The following PCSK2 variants were observed in gnomAD, a reference collection of about 807,000 sequenced individuals.
PCSK2 encodes neuroendocrine convertase 2.
PCSK2 carries 14 observed loss-of-function variants against 69.7 expected under a neutral mutation model. The ratio of observed to expected loss-of-function variants is 0.20; its 90% confidence interval spans 0.13 to 0.31. The LOEUF (loss-of-function observed/expected upper bound fraction) is 0.31. Among genes scored for constraint, PCSK2 ranks in the 10% least tolerant of loss-of-function variants. PCSK2 has a pLI of 1.00. For synonymous variants in PCSK2, 307 were observed against 320.7 expected, an observed-to-expected ratio of 0.96 and a Z score of 0.46; for missense variants, 544 against 842.5, an observed-to-expected ratio of 0.65 and a Z score of 4.39.
chr20:17,328,313 A>G (rs1459955109), intron 2 of PCSK2, among the ~76,000 whole-genome samples: 1 of 150,728 alleles, frequency 6.6e-6, no homozygotes, highest in Non-Finnish European at 1.5e-5. Flanking sequence ...GTGTGTGTGT[A>G]TTTTAATATA....
chr20:17,367,992 C>T (rs755294333), intron 4 of PCSK2, among the ~76,000 whole-genome samples: 5 of 152,134 alleles, frequency 3.3e-5, no homozygotes, highest in Non-Finnish European at 7.3e-5. Flanking sequence ...AATTGCTTCA[C>T]TCATCAAAAT....
intron 2 of PCSK2, among the ~76,000 whole-genome samples, chr20:17,326,167 C>T (rs1990044957): frequency 6.6e-6 from 1 of 152,196 alleles, no homozygotes; most frequent in African/African-American, 2.4e-5. Flanking sequence ...GATGAAAATT[C>T]AAAGCCAACG....
Position 17,260,231 on chromosome 20 carries a change from T to C in PCSK2, c.178-9T>C. On this transcript the variant is annotated splice_polypyrimidine_tract_variant and intron_variant, in intron 1 of 11. Coordinates refer to ENST00000262545, the MANE Select transcript of PCSK2 (RefSeq NM_002594.5). ...CTAACTATGCCTATGTCTACTTGACTCTCCACAGCTTCCCTTTGCTGAAGG... is the reference window on the plus strand; with the variant it reads ...CTAACTATGCCTATGTCTACTTGACCCTCCACAGCTTCCCTTTGCTGAAGG... 1 of 1,587,738 alleles carries C rather than the reference T, an allele frequency of 6.3e-7. No individual in the cohort carries two copies. The highest frequency in any genetic ancestry group is 8.6e-7 in the Non-Finnish European group (1 of 1,156,078).
intron 1 of PCSK2, among the ~76,000 whole-genome samples, chr20:17,239,856 T>A (rs2122951192): frequency 7.6e-6 from 1 of 131,578 alleles, no homozygotes; most frequent in Non-Finnish European, 1.6e-5. Flanking sequence ...TTTTTTTTTT[T>A]TTTTTTTTTT....
At chr20:17,460,979 T>A (rs1398445678) in intron 10 of PCSK2, among the ~76,000 whole-genome samples, 1 of 152,108 alleles carries the variant, frequency 6.6e-6, no homozygotes. Context: ...AAGTAACTTA[T>A]CCGAGTTCAC....
intron 6 of PCSK2, 44 bp downstream of exon 6, chr20:17,409,383 G>A (rs1361728096): frequency 7.5e-7 from 1 of 1,336,002 alleles, no homozygotes; most frequent in African/African-American, 1.4e-5. Context: ...AGGCTTTGGG[G>A]TTTTATTCTA....
At position 17,445,674 on chromosome 20, in the gene PCSK2, C is replaced by T. The variant is rs545798227; in HGVS notation, c.886-8068C>T. Among the ~76,000 whole-genome samples the T allele has an allele frequency of 1.1e-4, 16 of 152,336 alleles. No individual in the cohort carries two copies. The South Asian group carries it at 1.7e-3, about 16-fold the overall frequency. ...CTGAAATTTAATCAGAGCCACGGGT[C>T]GTACACCATGGCGGCGAGTGCCAGG... On this transcript the variant is annotated intron_variant, in intron 8 of 11. Transcript: ENST00000262545.
intron 6 of PCSK2, among the ~76,000 whole-genome samples, chr20:17,414,520 C>A (rs1434722211): frequency 6.6e-6 from 1 of 152,094 alleles, no homozygotes; most frequent in Non-Finnish European, 1.5e-5. Flanking sequence ...CAATAACAGG[C>A]TCTGAAATTG....
intron 4 of PCSK2, among the ~76,000 whole-genome samples, chr20:17,362,009 TG>T (rs576535777): frequency 7.4e-4 from 113 of 152,342 alleles, no homozygotes; most frequent in Middle Eastern, 3.4e-3. Flanking sequence ...CATATCCTAC[TG>T]GGTATCCCCA....
chr20:17,394,337 T>TA (rs1327018952), intron 5 of PCSK2, among the ~76,000 whole-genome samples: 1 of 152,124 alleles, frequency 6.6e-6, no homozygotes, highest in East Asian at 1.9e-4. Flanking sequence ...TGGTATCAAG[T>TA]AAAAAACCCA....
intron 7 of PCSK2, among the ~76,000 whole-genome samples, chr20:17,433,318 A>G (rs1441034216): frequency 6.6e-6 from 1 of 152,210 alleles, no homozygotes; most frequent in Non-Finnish European, 1.5e-5. Flanking sequence ...TTTTCAATAA[A>G]CAAGTAAAAA....
At chr20:17,268,893 T>A (rs1987745912) in intron 2 of PCSK2, among the ~76,000 whole-genome samples, 1 of 151,916 alleles carries the variant, frequency 6.6e-6, no homozygotes, top group African/African-American at 2.4e-5. Context: ...GATCTGGGAG[T>A]ATGTTGTGAA....
chr20:17,380,077 G>A (rs1035143286), intron 5 of PCSK2, among the ~76,000 whole-genome samples: 1 of 152,222 alleles, frequency 6.6e-6, no homozygotes, highest in Non-Finnish European at 1.5e-5. Flanking sequence ...CAGCTCCAGT[G>A]ACACCTTGAT....
intron 5 of PCSK2, among the ~76,000 whole-genome samples, chr20:17,405,886 C>A (rs1224337262): frequency 6.6e-6 from 1 of 152,142 alleles, no homozygotes; most frequent in Non-Finnish European, 1.5e-5. Flanking sequence ...GGAATCAACC[C>A]AACCTTCTCA....
intron 2 of PCSK2, among the ~76,000 whole-genome samples, chr20:17,286,144 T>C (rs1306510898): frequency 6.6e-6 from 1 of 152,220 alleles, no homozygotes; most frequent in Non-Finnish European, 1.5e-5. Context: ...TTGTTCTTGT[T>C]TTCTCCACAT....
At chr20:17,335,349 C>A (rs1990316312) in intron 2 of PCSK2, among the ~76,000 whole-genome samples, 1 of 151,978 alleles carries the variant, frequency 6.6e-6, no homozygotes, top group Admixed American at 6.5e-5. Flanking sequence ...TACAGGCTGA[C>A]TGGCTTGCCC....
chr20:17,454,147 G>C (rs551057966), intron 9 of PCSK2, among the ~76,000 whole-genome samples, 190 bp downstream of exon 9: 2 of 152,276 alleles, frequency 1.3e-5, no homozygotes, highest in South Asian at 2.1e-4. Flanking sequence ...TCCCATCTGC[G>C]AGCTAGTAGC....
chr20:17,338,051 C>T (rs1358953724), intron 2 of PCSK2, among the ~76,000 whole-genome samples: 1 of 151,752 alleles, frequency 6.6e-6, no homozygotes, highest in Non-Finnish European at 1.5e-5. Context: ...GGGTTCAGGT[C>T]AGGCAGGCCC....
Position 17,398,721 on chromosome 20 carries a change from C to G in PCSK2, c.544-10542C>G, listed in dbSNP as rs149044912. On this transcript the variant is annotated intron_variant, in intron 5 of 11. Transcript: ENST00000262545. Reference sequence around the variant, plus strand: ...TCTCAACCTGGACTATACATCAGAACCACCAAAAGAGGTTCTGTTGGGTTT... The same window carrying G: ...TCTCAACCTGGACTATACATCAGAAGCACCAAAAGAGGTTCTGTTGGGTTT... Among the ~76,000 whole-genome samples the G allele has an allele frequency of 4.4e-3, 672 of 151,556 alleles. 5 individuals carry two copies. Among genetic ancestry groups the G allele is most frequent in the African/African-American group, 0.015 (634 of 41,390 alleles).
Sources: gnomAD v4.1 joint callset for allele counts (sites outside exome capture counted in the v4.1 genomes callset) on GRCh38, gnomAD v4.1.1 for gene constraint, MANE v1.5 for transcripts, NCBI Gene and HGNC (gene_info 2026-07-23, HGNC 2026-07-21) for gene names.